The following EDIL3 variants were observed in gnomAD, a reference collection of about 807,000 sequenced individuals.
The protein encoded by EDIL3 is EGF like and discoidin domains 3.
A neutral mutation model predicts 67.4 loss-of-function variants in EDIL3; 37 were observed. That is an observed-to-expected ratio of 0.55 (90% CI 0.42 to 0.72). EDIL3 has a LOEUF of 0.72. Among genes scored for constraint, EDIL3 ranks in the 30% least tolerant of loss-of-function variants. EDIL3 has a pLI of 0.00. For missense variants in EDIL3, 527 were observed against 586.3 expected, an observed-to-expected ratio of 0.90 and a Z score of 1.04; for synonymous variants, 195 against 196.3, an observed-to-expected ratio of 0.99 and a Z score of 0.05.
chr5:84,104,530 C>G (rs1260128422), intron 6 of EDIL3, among the ~76,000 whole-genome samples: 1 of 151,806 alleles, frequency 6.6e-6, no homozygotes, highest in Admixed American at 6.6e-5. Flanking sequence ...TAGTTTTTCA[C>G]CCATTATATT....
At chr5:84,183,780 TAAGTCCTCTGC>T (rs1749054907) in intron 3 of EDIL3, among the ~76,000 whole-genome samples, 1 of 152,166 alleles carries the variant, frequency 6.6e-6, no homozygotes, top group Non-Finnish European at 1.5e-5. Context: ...ACTGAAACAG[TAAGTCCTCTGC>T]GAGTTCTTGA....
intron 9 of EDIL3, among the ~76,000 whole-genome samples, chr5:84,002,358 T>C (rs1427575845): frequency 6.6e-6 from 1 of 152,182 alleles, no homozygotes; most frequent in African/African-American, 2.4e-5. Context: ...ACTGAAAGTA[T>C]TTTCTCTAAG....
rs1561411116 is a variant in EDIL3, at chr5:84,037,998, T to TG, written c.1137+22301_1137+22302insC. ...TTTTCTTTCTTTCTTGTTTTTTTTTTTTTTTTTTTTTTTGAGACAGGGTCT... is the reference window on the plus strand; with the variant it reads ...TTTTCTTTCTTTCTTGTTTTTTTTTTGTTTTTTTTTTTTTGAGACAGGGTCT... On this transcript the variant is annotated intron_variant, in intron 9 of 10. Coordinates refer to ENST00000296591, the MANE Select transcript of EDIL3 (RefSeq NM_005711.5). Among the ~76,000 whole-genome samples, 957 of 140,596 alleles carry TG rather than the reference T, an allele frequency of 6.8e-3. 21 individuals carry two copies. Among genetic ancestry groups the TG allele is most frequent in the African/African-American group, 0.026 (920 of 35,782 alleles). 92.2% of individuals were successfully genotyped at this position (140,596 alleles called of 152,430 possible).
chr5:84,328,711 G>GT (rs1282707383), intron 1 of EDIL3, among the ~76,000 whole-genome samples: 1 of 152,006 alleles, frequency 6.6e-6, no homozygotes, highest in Non-Finnish European at 1.5e-5. Context: ...AAAATGCCTA[G>GT]TGTCATTCCA....
intron 9 of EDIL3, among the ~76,000 whole-genome samples, chr5:84,035,889 T>C (rs996702893): frequency 6.6e-6 from 1 of 152,230 alleles, no homozygotes; most frequent in Non-Finnish European, 1.5e-5. Context: ...TTTAATTTTA[T>C]TTCTTGTTTA....
Position 84,273,616 on chromosome 5 carries a change from G to A in EDIL3, c.68-19404C>T, listed in dbSNP as rs116609015. On this transcript the variant is annotated intron_variant, in intron 1 of 10. Coordinates refer to ENST00000296591, the MANE Select transcript of EDIL3 (RefSeq NM_005711.5). ...CCCATGAAATCTACTTGAATAGTGA[G>A]AAACACAGCATTGCCACAGTGGCCT... 3.0e-3 allele frequency among the ~76,000 whole-genome samples: 456 copies of A among 152,244 alleles called. 4 individuals are homozygous for A. The highest frequency in any genetic ancestry group is 0.01 in the African/African-American group (433 of 41,534).
chr5:83,985,375 A>G (rs1187782360), intron 9 of EDIL3, among the ~76,000 whole-genome samples: 2 of 152,208 alleles, frequency 1.3e-5, no homozygotes, highest in East Asian at 1.9e-4. Flanking sequence ...AAATTTTTTT[A>G]AAGACTCTAA....
chr5:84,383,828 C>T (rs528041336), intron 1 of EDIL3, among the ~76,000 whole-genome samples: 3 of 152,280 alleles, frequency 2.0e-5, no homozygotes, highest in Non-Finnish European at 4.4e-5. Flanking sequence ...GGCCCTGCGC[C>T]AGAGCACCGC....
At chr5:84,203,307 T>C (rs1486713461) in intron 3 of EDIL3, among the ~76,000 whole-genome samples, 1 of 152,210 alleles carries the variant, frequency 6.6e-6, no homozygotes, top group Non-Finnish European at 1.5e-5. Context: ...CTACACCTCA[T>C]GTTTGCCTAA....
chr5:84,096,846 C>T (rs1747273377), intron 6 of EDIL3, among the ~76,000 whole-genome samples: 1 of 152,184 alleles, frequency 6.6e-6, no homozygotes, highest in South Asian at 2.1e-4. Flanking sequence ...ATAAGTGAAT[C>T]ATGGGAGCGG....
At chr5:84,089,379 A>T (rs1343643903) in intron 6 of EDIL3, among the ~76,000 whole-genome samples, 8 of 152,208 alleles carry the variant, frequency 5.3e-5, no homozygotes, top group Non-Finnish European at 1.2e-4. Flanking sequence ...GTAGTTAATG[A>T]TGCATCCTCA....
chr5:84,012,981 T>C (rs1561402871), intron 9 of EDIL3, among the ~76,000 whole-genome samples: 1 of 151,956 alleles, frequency 6.6e-6, no homozygotes, highest in Non-Finnish European at 1.5e-5. Context: ...CTTCCAATCT[T>C]ACTAGAATTT....
intron 9 of EDIL3, chr5:84,048,284 T>C (rs1263027191): frequency 2.3e-6 from 1 of 440,552 alleles, no homozygotes; most frequent in African/African-American, 2.0e-5. Flanking sequence ...TGTAAATAAA[T>C]TGTTCAGAAG....
At chr5:84,058,145 A>T (rs1746481064) in intron 9 of EDIL3, among the ~76,000 whole-genome samples, 1 of 152,096 alleles carries the variant, frequency 6.6e-6, no homozygotes, top group African/African-American at 2.4e-5. Flanking sequence ...GCAAGAGGAC[A>T]TTTATAAAGG....
intron 4 of EDIL3, among the ~76,000 whole-genome samples, chr5:84,140,179 A>G (rs1748165298): frequency 6.6e-6 from 1 of 152,202 alleles, no homozygotes; most frequent in African/African-American, 2.4e-5. Context: ...ACAGAAACCC[A>G]CAAAAGATTT....
intron 9 of EDIL3, among the ~76,000 whole-genome samples, chr5:84,029,376 G>A (rs1432765142): frequency 1.3e-5 from 2 of 152,130 alleles, no homozygotes; most frequent in Non-Finnish European, 2.9e-5. Flanking sequence ...CGCAACGATT[G>A]TGAGGCCTCC....
chr5:84,093,348 T>C (rs939082287), intron 6 of EDIL3, among the ~76,000 whole-genome samples: 1 of 152,174 alleles, frequency 6.6e-6, no homozygotes, highest in African/African-American at 2.4e-5. Flanking sequence ...AAGCAAACAA[T>C]GACTATAAAG....
intron 9 of EDIL3, among the ~76,000 whole-genome samples, chr5:83,994,484 TAA>T (rs1745204531): frequency 6.6e-6 from 1 of 152,112 alleles, no homozygotes; most frequent in Admixed American, 6.6e-5. Context: ...ATTTTTTCTC[TAA>T]ACTCAGGCAA....
At position 84,037,508 on chromosome 5, in the gene EDIL3, C is replaced by T. The variant is rs116562476; in HGVS notation, c.1137+22792G>A. ...TTCTCTAATATGTTTTGCATTTATT[C>T]GACCCATTTTTAAAAACCACCTGGA... On this transcript the variant is annotated intron_variant, in intron 9 of 10. Transcript: ENST00000296591. Among the ~76,000 whole-genome samples the T allele has an allele frequency of 7.4e-3, 1,127 of 152,028 alleles. 17 individuals carry two copies. Among genetic ancestry groups the T allele is most frequent in the African/African-American group, 0.026 (1,073 of 41,470 alleles).
Sources: allele counts gnomAD v4.1 joint callset (sites outside exome capture counted in the v4.1 genomes callset), GRCh38; gene constraint gnomAD v4.1.1; transcripts MANE v1.5; gene names NCBI Gene and HGNC (gene_info 2026-07-23, HGNC 2026-07-21).